Variants in CCDC57 observed in about 807,000 individuals in gnomAD.
CCDC57 encodes coiled-coil domain-containing protein 57.
Under a neutral mutation model 118.9 loss-of-function variants are expected in CCDC57, and 118 were observed. The ratio of observed to expected loss-of-function variants is 0.99; its 90% CI spans 0.86 to 1.16. The LOEUF is 1.16. CCDC57 is among the 50% of genes most tolerant of loss of function. CCDC57 has a pLI of 0.00. For synonymous variants in CCDC57, 527 were observed against 532.9 expected (o/e 0.99, Z 0.15); for missense variants, 1,300 against 1,320.7 (o/e 0.98, Z 0.24).
At chr17:82,158,333 G>A (rs2042916213) in intron 14 of CCDC57, among the ~76,000 whole-genome samples, 1 of 152,176 alleles carries the variant, frequency 6.6e-6, no homozygotes, top group Non-Finnish European at 1.5e-5. Context: ...ATCAAAGGGG[G>A]CAGACATGGG....
At chr17:82,188,456 CCCCCAACACCCAGG>C (rs1568421319) in intron 7 of CCDC57, 37 bp from the exon 7 acceptor site, 1 of 1,579,016 alleles carries the variant, frequency 6.3e-7, no homozygotes. Context: ...GCTCACCCAG[CCCCCAACACCCAGG>C]CCCCAGACCC....
chr17:82,130,831 G>A (rs1015096103), intron 17 of CCDC57, among the ~76,000 whole-genome samples: 1 of 146,490 alleles, frequency 6.8e-6, no homozygotes, highest in Non-Finnish European at 1.5e-5. Context: ...TGGGGGTGGG[G>A]GACGGAGTCT....
At chr17:82,204,652 G>A (rs1026983707) in intron 2 of CCDC57, among the ~76,000 whole-genome samples, 1 of 152,120 alleles carries the variant, frequency 6.6e-6, no homozygotes, top group South Asian at 2.1e-4. Flanking sequence ...GCGTGGTGGT[G>A]GGCGCCTGTA....
chr17:82,136,242 A>C (rs1231326707), intron 16 of CCDC57, among the ~76,000 whole-genome samples: 2 of 152,218 alleles, frequency 1.3e-5, no homozygotes, highest in Non-Finnish European at 2.9e-5. Flanking sequence ...CCCCCAGCAA[A>C]GAGCTCTTCC....
chr17:82,138,133 A>G (rs1466817581), intron 16 of CCDC57, among the ~76,000 whole-genome samples: 1 of 141,636 alleles, frequency 7.1e-6, no homozygotes, highest in Non-Finnish European at 1.5e-5. Flanking sequence ...TGGGAGGCTG[A>G]GGCAGGAGGA....
At chr17:82,159,422 T>A (rs2146005417) in intron 14 of CCDC57, among the ~76,000 whole-genome samples, 1 of 152,318 alleles carries the variant, frequency 6.6e-6, no homozygotes, top group African/African-American at 2.4e-5. Context: ...TTCAACTCCC[T>A]CGACTGGAGC....
At chr17:82,184,082 C>G (rs976514205) in intron 8 of CCDC57, 150 bp from the exon 8 acceptor site, 8 of 572,342 alleles carry the variant, frequency 1.4e-5, no homozygotes, top group African/African-American at 5.9e-5. Flanking sequence ...CACACACACA[C>G]AGCTCTCGAG....
chr17:82,162,103 G>A (rs1052188066), intron 14 of CCDC57, among the ~76,000 whole-genome samples: 2 of 152,010 alleles, frequency 1.3e-5, no homozygotes, highest in Non-Finnish European at 2.9e-5. Flanking sequence ...GGGTTCAAGC[G>A]ATTCTCCCAC....
chr17:82,109,284 C>T (rs2035082137), intron 19 of CCDC57, among the ~76,000 whole-genome samples: 1 of 152,214 alleles, frequency 6.6e-6, no homozygotes, highest in Admixed American at 6.5e-5. Flanking sequence ...GCGTGTGGAG[C>T]GCATGCCTGC....
At chr17:82,207,896 G>A (rs2049860460) in exon 2 of CCDC57, 1 of 152,124 alleles carries the variant, frequency 6.6e-6, no homozygotes, top group Non-Finnish European at 1.5e-5. Flanking sequence ...CTGAACCGAA[G>A]GACACCCGCC....
At position 82,172,917 on chromosome 17, in the gene CCDC57, T is replaced by G; in HGVS notation, c.1507-57A>C. ...AGATGAATGGTTCCCCAGCTTGTCCTGACAGGCTGTGCCTCCGCTCTCCCC... is the reference window on the plus strand; with the variant it reads ...AGATGAATGGTTCCCCAGCTTGTCCGGACAGGCTGTGCCTCCGCTCTCCCC... On this transcript the variant is annotated intron_variant, in intron 11 of 19. Coordinates refer to ENST00000665763, the Ensembl canonical transcript of CCDC57. This position sits in a 1 kb window ranked among gnomAD's most constrained non-coding sequence, Gnocchi z 5.2. The G allele has an allele frequency of 4.8e-6, 7 of 1,466,686 alleles. No individual in the cohort carries two copies. Among genetic ancestry groups the G allele is most frequent in the Non-Finnish European group, 5.6e-6 (6 of 1,067,894 alleles). 90.9% of individuals were successfully genotyped at this position (1,466,686 alleles called of 1,614,324 possible).
chr17:82,141,822 A>G (rs1598850121), intron 16 of CCDC57, among the ~76,000 whole-genome samples: 2 of 152,190 alleles, frequency 1.3e-5, no homozygotes, highest in Admixed American at 1.3e-4. Context: ...TCAAAAGCAG[A>G]GAAACTGTAG....
At chr17:82,113,722 C>G (rs1167225334) in intron 19 of CCDC57, 2 of 708,042 alleles carry the variant, frequency 2.8e-6, no homozygotes, top group Non-Finnish European at 5.2e-6. Context: ...TGCTTGAGCC[C>G]AGGAGTTCGA....
intron 19 of CCDC57, chr17:82,109,077 G>A (rs1008476248): frequency 5.9e-5 from 9 of 152,266 alleles, no homozygotes; most frequent in Admixed American, 4.6e-4. Context: ...TACAAGCACA[G>A]GGCTTCCTAA....
At chr17:82,180,717 C>T (rs1183669423) in intron 9 of CCDC57, among the ~76,000 whole-genome samples, 3 of 152,184 alleles carry the variant, frequency 2.0e-5, no homozygotes, top group South Asian at 2.1e-4. Flanking sequence ...CCTCGTGATC[C>T]GCCCGCCTCG....
chr17:82,113,096 G>A, intron 19 of CCDC57: 1 of 442,616 alleles, frequency 2.3e-6, no homozygotes, highest in Non-Finnish European at 4.0e-6. Context: ...CTAAGTGGCA[G>A]TCATGGTTTC....
rs1276706518 is a variant in CCDC57, at chr17:82,192,653, A to C, written c.851+1103T>G. Reference sequence around the variant, plus strand: ...TGGGCTCGACTGCCTCGGTTTCCTCATCTAGGTAGAGAACCCGGATGGGTG... The same window carrying C: ...TGGGCTCGACTGCCTCGGTTTCCTCCTCTAGGTAGAGAACCCGGATGGGTG... On this transcript the variant is annotated intron_variant, in intron 7 of 19. Coordinates refer to ENST00000665763, the Ensembl canonical transcript of CCDC57. This position sits in a 1 kb window ranked among gnomAD's most constrained non-coding sequence, Gnocchi z 4.0. Among the ~76,000 whole-genome samples the C allele has an allele frequency of 6.6e-6, 1 of 152,186 alleles. No homozygotes were observed. Among genetic ancestry groups the C allele is most frequent in the African/African-American group, 2.4e-5 (1 of 41,454 alleles).
intron 4 of CCDC57, among the ~76,000 whole-genome samples, chr17:82,197,814 C>T (rs902887761): frequency 6.6e-6 from 1 of 152,154 alleles, no homozygotes; most frequent in South Asian, 2.1e-4. Context: ...TGAGCTGAGA[C>T]ACTCGCCTTC....
chr17:82,171,886 T>C, intron 12 of CCDC57, 33 bp from the exon 12 acceptor site: 2 of 1,597,270 alleles, frequency 1.3e-6, no homozygotes, highest in Non-Finnish European at 1.7e-6. Context: ...ATATAACACA[T>C]ACACAGCATC....
Sources: gnomAD v4.1 joint callset for allele counts (sites outside exome capture counted in the v4.1 genomes callset) on GRCh38, gnomAD v4.1.1 for gene constraint, Gnocchi (gnomAD v3.1) non-coding constraint, MANE v1.5 for transcripts, NCBI Gene and HGNC (gene_info 2026-07-23, HGNC 2026-07-21) for gene names.